The following CACNA2D3 variants were observed in gnomAD, a reference collection of about 807,000 sequenced individuals.
CACNA2D3 encodes the protein voltage-dependent calcium channel subunit alpha-2/delta-3.
In CACNA2D3, 60 loss-of-function variants were observed where a neutral mutation model predicts 160.6. The observed-to-expected ratio is 0.37, with a 90% CI of 0.30 to 0.46. CACNA2D3 has a LOEUF of 0.46. CACNA2D3 is among the 20% of genes least tolerant of loss of function. The pLI is 1.00. For missense variants in CACNA2D3, 1,205 were observed against 1,365.0 expected, an observed-to-expected ratio of 0.88 and a Z score of 1.85; for synonymous variants, 558 against 492.9, an observed-to-expected ratio of 1.13 and a Z score of -1.75.
At chr3:54,427,490 G>A (rs548807658) in intron 4 of CACNA2D3, among the ~76,000 whole-genome samples, 18 of 152,160 alleles carry the variant, frequency 1.2e-4, no homozygotes, top group African/African-American at 2.2e-4. Flanking sequence ...ATGATTACTC[G>A]GACAAGAGCT....
intron 11 of CACNA2D3, among the ~76,000 whole-genome samples, chr3:54,647,594 G>A (rs1699676645): frequency 6.6e-6 from 1 of 152,178 alleles, no homozygotes; most frequent in South Asian, 2.1e-4. Flanking sequence ...ACCTTACAGT[G>A]TAGCAGCTGG....
At chr3:54,351,440 A>G (rs1698564241) in intron 3 of CACNA2D3, among the ~76,000 whole-genome samples, 1 of 152,134 alleles carries the variant, frequency 6.6e-6, no homozygotes, top group South Asian at 2.1e-4. Flanking sequence ...TGTTCAAACT[A>G]ATAAAGTGTT....
intron 5 of CACNA2D3, among the ~76,000 whole-genome samples, chr3:54,519,646 T>A (rs1481152710): frequency 6.6e-6 from 1 of 152,232 alleles, no homozygotes; most frequent in Non-Finnish European, 1.5e-5. Context: ...TCGTAGGAGA[T>A]ATGTAATATA....
chr3:54,923,410 C>G (rs1700910193), intron 27 of CACNA2D3, among the ~76,000 whole-genome samples: 1 of 152,146 alleles, frequency 6.6e-6, no homozygotes, highest in African/African-American at 2.4e-5. Flanking sequence ...CCTCCTCAGT[C>G]TTTGGGTTCT....
chr3:54,336,220 G>A (rs1704374363), intron 3 of CACNA2D3, among the ~76,000 whole-genome samples: 1 of 152,070 alleles, frequency 6.6e-6, no homozygotes, highest in Admixed American at 6.5e-5. Context: ...GACTTCCTCA[G>A]CTGGGCAGGG....
chr3:54,216,697 G>A (rs1701469118), intron 2 of CACNA2D3, among the ~76,000 whole-genome samples: 1 of 152,232 alleles, frequency 6.6e-6, no homozygotes, highest in South Asian at 2.1e-4. Flanking sequence ...GAGCACACTT[G>A]AAGGACACCC....
At chr3:54,586,191 G>C (rs1360771062) in intron 9 of CACNA2D3, among the ~76,000 whole-genome samples, 1 of 151,344 alleles carries the variant, frequency 6.6e-6, no homozygotes, top group Non-Finnish European at 1.5e-5. Context: ...TTGAACCCGG[G>C]AGGTGGAGGT....
At chr3:54,194,977 G>T (rs932123946) in intron 2 of CACNA2D3, among the ~76,000 whole-genome samples, 2 of 152,118 alleles carry the variant, frequency 1.3e-5, no homozygotes, top group Non-Finnish European at 2.9e-5. Flanking sequence ...CTTTTCTCTC[G>T]CCGGTTGTAC....
At chr3:54,346,675 T>C (rs943338423) in intron 3 of CACNA2D3, among the ~76,000 whole-genome samples, 2 of 152,216 alleles carry the variant, frequency 1.3e-5, no homozygotes, top group Admixed American at 6.5e-5. Flanking sequence ...ATCAAACAAA[T>C]ACTGATACAA....
At chr3:55,052,793 A>G (rs931286935) in intron 35 of CACNA2D3, among the ~76,000 whole-genome samples, 3 of 152,078 alleles carry the variant, frequency 2.0e-5, no homozygotes, top group Admixed American at 6.5e-5. Context: ...TCTAATATTA[A>G]TATAGCTACT....
chr3:54,730,701 C>T (rs1248191851), intron 11 of CACNA2D3, among the ~76,000 whole-genome samples: 1 of 152,058 alleles, frequency 6.6e-6, no homozygotes, highest in East Asian at 1.9e-4. Flanking sequence ...TGGGGTTTCA[C>T]GGTGTTGGTC....
chr3:54,706,034 A>C (rs974168185), intron 11 of CACNA2D3, among the ~76,000 whole-genome samples: 6 of 152,134 alleles, frequency 3.9e-5, no homozygotes, highest in African/African-American at 1.4e-4. Flanking sequence ...TGTTTTAAGA[A>C]CCATCTTGTT....
At chr3:54,549,813 T>G (rs1036582586) in intron 5 of CACNA2D3, among the ~76,000 whole-genome samples, 1 of 152,174 alleles carries the variant, frequency 6.6e-6, no homozygotes, top group Non-Finnish European at 1.5e-5. Context: ...ATATTAAATA[T>G]CAATAAAAAG....
At chr3:54,700,323 C>T (rs1700745467) in intron 11 of CACNA2D3, among the ~76,000 whole-genome samples, 1 of 152,136 alleles carries the variant, frequency 6.6e-6, no homozygotes, top group Admixed American at 6.5e-5. Context: ...TGTCTATTTT[C>T]CTCATATTCC....
chr3:55,033,398 C>T (rs1703719460), intron 35 of CACNA2D3, among the ~76,000 whole-genome samples: 1 of 151,848 alleles, frequency 6.6e-6, no homozygotes, highest in African/African-American at 2.4e-5. Flanking sequence ...AGAGGAGCAA[C>T]CATTGTTTCC....
chr3:54,966,259 C>T (rs1702147674), intron 27 of CACNA2D3, among the ~76,000 whole-genome samples: 2 of 152,128 alleles, frequency 1.3e-5, no homozygotes, highest in Non-Finnish European at 2.9e-5. Context: ...GTGACTCTTT[C>T]AGGGAGTCAG....
At chr3:54,754,104 T>A (rs1347558706) in intron 12 of CACNA2D3, among the ~76,000 whole-genome samples, 1 of 152,226 alleles carries the variant, frequency 6.6e-6, no homozygotes, top group African/African-American at 2.4e-5. Flanking sequence ...TTTTTTATAT[T>A]CATAAGGTTA....
At chr3:54,722,660 G>A (rs549299648) in intron 11 of CACNA2D3, among the ~76,000 whole-genome samples, 3 of 152,142 alleles carry the variant, frequency 2.0e-5, no homozygotes, top group East Asian at 1.9e-4. Context: ...CTCAGCTGCC[G>A]CCCTGCTGGA....
At chr3:54,216,921 T>TG (rs991341352) in intron 2 of CACNA2D3, among the ~76,000 whole-genome samples, 2 of 151,886 alleles carry the variant, frequency 1.3e-5, no homozygotes, top group Admixed American at 1.3e-4. Context: ...TTCTGTTTGG[T>TG]GGGGGGAGAT....
Sources: gnomAD v4.1 joint callset for allele counts (sites outside exome capture counted in the v4.1 genomes callset) on GRCh38, gnomAD v4.1.1 for gene constraint, MANE v1.5 for transcripts, NCBI Gene and HGNC (gene_info 2026-07-23, HGNC 2026-07-21) for gene names.